AQP9: variants seen among roughly 807,000 people sequenced by gnomAD.
AQP9 encodes aquaporin 9, also known as aquaporin-9.
In AQP9, 19 loss-of-function variants were observed where a neutral mutation model predicts 23.8. That is an observed-to-expected ratio of 0.80 (90% confidence interval 0.56 to 1.17). AQP9 has a LOEUF of 1.17. Ranked by LOEUF, AQP9 falls within the 50% of genes most tolerant of loss-of-function variation. The pLI, the probability that AQP9 is intolerant of heterozygous loss-of-function variation, is 0.00. For synonymous variants in AQP9, 153 were observed against 131.5 expected, an observed-to-expected ratio of 1.16 and a Z score of -1.12; for missense variants, 413 against 362.0, an observed-to-expected ratio of 1.14 and a Z score of -1.14.
intron 5 of AQP9, 78 bp downstream of exon 5, chr15:58,179,423 T>G: frequency 6.6e-6 from 9 of 1,361,846 alleles, no homozygotes; most frequent in Non-Finnish European, 9.1e-6. Context: ...GACATGGAGA[T>G]CCAGGGAAGT....
At position 58,173,067 on chromosome 15, in the gene AQP9, G is replaced by A. The variant is rs200160540; in HGVS notation, c.239-1G>A. On this transcript the variant is annotated splice_acceptor_variant, in intron 2 of 5. Coordinates refer to ENST00000219919, the MANE Select transcript of AQP9 (RefSeq NM_020980.5). LOFTEE classifies it high-confidence loss of function. Reference sequence around the variant, plus strand: ...CTCACTTCTCCAATCTTCCCTTGCAGGTGGTCACATCAACCCAGCTGTGTC... The same window carrying A: ...CTCACTTCTCCAATCTTCCCTTGCAAGTGGTCACATCAACCCAGCTGTGTC... 3.1e-6 allele frequency: 5 copies of A among 1,613,914 alleles called. No individual in the cohort carries two copies. The highest frequency in any genetic ancestry group is 4.2e-6 in the Non-Finnish European group (5 of 1,179,826).
chr15:58,171,481 C>A (rs1357964152), intron 2 of AQP9, among the ~76,000 whole-genome samples: 4 of 152,170 alleles, frequency 2.6e-5, no homozygotes, highest in Non-Finnish European at 5.9e-5. Flanking sequence ...TTCCCACTGC[C>A]CTGTGTGCCC....
chr15:58,164,968 C>T (rs66881380), intron 1 of AQP9, among the ~76,000 whole-genome samples: 18,488 of 152,172 alleles, frequency 0.12, 1,385 homozygotes, highest in Non-Finnish European at 0.17. Flanking sequence ...AGGTTATTAT[C>T]TTCCTGATAA....
chr15:58,164,172 A>G (rs1898447478), intron 1 of AQP9: 1 of 152,194 alleles, frequency 6.6e-6, no homozygotes, highest in Non-Finnish European at 1.5e-5. Flanking sequence ...AGTATTAATC[A>G]TAGTGAAATT....
At chr15:58,177,420 G>A (rs536858089) in intron 4 of AQP9, among the ~76,000 whole-genome samples, 1 of 152,322 alleles carries the variant, frequency 6.6e-6, no homozygotes, top group African/African-American at 2.4e-5. Flanking sequence ...GCCCAGAGGA[G>A]GGAGCTTTTA....
At chr15:58,171,556 T>C (rs1403233619) in intron 2 of AQP9, among the ~76,000 whole-genome samples, 1 of 152,210 alleles carries the variant, frequency 6.6e-6, no homozygotes, top group Non-Finnish European at 1.5e-5. Flanking sequence ...TCTCCAGAAC[T>C]GTGGCTTTCC....
intron 1 of AQP9, among the ~76,000 whole-genome samples, chr15:58,157,941 GTGT>G (rs1898297800): frequency 6.6e-6 from 1 of 152,304 alleles, no homozygotes; most frequent in Non-Finnish European, 1.5e-5. Flanking sequence ...CAAGGCACAA[GTGT>G]TGTATATTTT....
At chr15:58,141,865 A>C (rs552917153) in intron 1 of AQP9, among the ~76,000 whole-genome samples, 2 of 152,336 alleles carry the variant, frequency 1.3e-5, no homozygotes, top group South Asian at 4.1e-4. Flanking sequence ...TTTGAGACAA[A>C]AGAATCTATG....
chr15:58,176,987 T>C (rs1199079832), intron 4 of AQP9, among the ~76,000 whole-genome samples: 2 of 152,080 alleles, frequency 1.3e-5, no homozygotes, highest in African/African-American at 4.8e-5. Flanking sequence ...AGCCCATTAT[T>C]GTGTATAAAG....
chr15:58,152,565 A>G (rs1195517552), intron 1 of AQP9: 1 of 152,158 alleles, frequency 6.6e-6, no homozygotes, highest in Non-Finnish European at 1.5e-5. Context: ...GAAGTCTGAA[A>G]CTTCTTATCT....
rs530913136 is a variant in AQP9 at position 58,142,377 on chromosome 15, C to T, written c.111+3701C>T. Among the ~76,000 whole-genome samples the T allele has an allele frequency of 4.6e-5, 7 of 152,306 alleles. 1 individual carries two copies. In the South Asian group the frequency reaches 1.5e-3, roughly 32 times the overall value. On this transcript the variant is annotated intron_variant, in intron 1 of 5. Coordinates refer to ENST00000219919, the MANE Select transcript of AQP9 (RefSeq NM_020980.5). ...TCATTTGATGAGAATTAACTCCTTT[C>T]ATGTGAAAGCCCAAGCGAACTTGAC...
chr15:58,160,686 G>A (rs1898359751), intron 1 of AQP9, among the ~76,000 whole-genome samples: 1 of 151,938 alleles, frequency 6.6e-6, no homozygotes, highest in South Asian at 2.1e-4. Context: ...GGGGGTGGGG[G>A]GTCGGTGCCA....
At chr15:58,173,328 T>A (rs1898666509) in intron 3 of AQP9, 123 bp downstream of exon 3, 1 of 1,407,816 alleles carries the variant, frequency 7.1e-7, no homozygotes, top group East Asian at 2.3e-5. Flanking sequence ...TGACAGCAAG[T>A]TCTAAATTTG....
chr15:58,143,115 G>A (rs1428455662), intron 1 of AQP9, among the ~76,000 whole-genome samples: 7 of 152,160 alleles, frequency 4.6e-5, no homozygotes, highest in East Asian at 1.9e-4. Flanking sequence ...GATGTCTACC[G>A]TCAGTTTTAC....
chr15:58,147,979 C>T (rs546452050), intron 1 of AQP9, among the ~76,000 whole-genome samples: 2 of 152,116 alleles, frequency 1.3e-5, no homozygotes, highest in East Asian at 3.9e-4. Context: ...ATATTAGTTA[C>T]CTGTGGAGAA....
At chr15:58,171,488 G>A (rs1898620387) in intron 2 of AQP9, among the ~76,000 whole-genome samples, 1 of 152,140 alleles carries the variant, frequency 6.6e-6, no homozygotes, top group Non-Finnish European at 1.5e-5. Flanking sequence ...TGCCCTGTGT[G>A]CCCCCTCCTC....
chr15:58,183,041 T>C (rs1249276269), intron 5 of AQP9, among the ~76,000 whole-genome samples: 1 of 152,220 alleles, frequency 6.6e-6, no homozygotes, highest in Non-Finnish European at 1.5e-5. Flanking sequence ...TTATTCAGCA[T>C]AATGATGAAA....
In AQP9 at chr15:58,185,384, TG is replaced by T. The variant is rs1316156128; in HGVS notation, c.*1250del. On this transcript the variant is annotated 3_prime_UTR_variant, in exon 6 of 6. Transcript: ENST00000219919. The stretch of plus-strand genomic sequence containing the variant: ...AGAATATGTACACCTCTGGACAAAA[TG>T]TTCCTCAATCTTAAGATACAAAGAC... The T allele has an allele frequency of 6.6e-6, 1 of 152,662 alleles. No individual in the cohort carries two copies. The highest frequency in any genetic ancestry group is 2.4e-5 in the African/African-American group (1 of 41,454). 9.5% of individuals were successfully genotyped at this position (152,662 alleles called of 1,614,324 possible).
At chr15:58,178,779 C>T (rs1898813437) in intron 4 of AQP9, among the ~76,000 whole-genome samples, 1 of 152,162 alleles carries the variant, frequency 6.6e-6, no homozygotes, top group Non-Finnish European at 1.5e-5. Context: ...CAGCCTGCAG[C>T]TTGCCGTTCT....
Sources: allele counts gnomAD v4.1 joint callset (sites outside exome capture counted in the v4.1 genomes callset), GRCh38; gene constraint gnomAD v4.1.1; transcripts MANE v1.5; gene names NCBI Gene and HGNC (gene_info 2026-07-23, HGNC 2026-07-21).